Variants in EPHA4 observed in about 807,000 individuals in gnomAD.
EPHA4 encodes EPH receptor A4, also known as ephrin type-A receptor 4.
In EPHA4, 19 loss-of-function variants were observed where a neutral mutation model predicts 108.3. That is an observed-to-expected ratio of 0.18 (90% CI 0.12 to 0.26). The LOEUF (loss-of-function observed/expected upper bound fraction) is 0.26. Among genes scored for constraint, EPHA4 ranks in the 10% least tolerant of loss-of-function variants. EPHA4 has a pLI of 1.00. For missense variants in EPHA4, 917 were observed against 1,254.0 expected, an observed-to-expected ratio of 0.73 and a Z score of 4.06; for synonymous variants, 449 against 455.5, an observed-to-expected ratio of 0.99 and a Z score of 0.18.
chr2:221,470,609 A>C (rs1691452093), intron 5 of EPHA4, among the ~76,000 whole-genome samples: 1 of 44,762 alleles, frequency 2.2e-5, no homozygotes, highest in Non-Finnish European at 5.0e-5. Context: ...ACTTTAGGGA[A>C]CCTGCTTTTC....
At chr2:221,510,627 G>T (rs1052487311) in intron 3 of EPHA4, among the ~76,000 whole-genome samples, 1 of 152,186 alleles carries the variant, frequency 6.6e-6, no homozygotes, top group Non-Finnish European at 1.5e-5. Context: ...GATGAAGATG[G>T]TTTTCACAAA....
intron 3 of EPHA4, among the ~76,000 whole-genome samples, chr2:221,554,389 A>G (rs1694247979): frequency 6.6e-6 from 1 of 152,254 alleles, no homozygotes; most frequent in Admixed American, 6.5e-5. Context: ...GAACTTCAAA[A>G]ACATTTCATG....
At position 221,457,734 on chromosome 2, in the gene EPHA4, T is replaced by C. The variant is rs1691004475; in HGVS notation, c.1443+132A>G. 4.2e-6 allele frequency: 4 copies of C among 950,366 alleles called. No homozygotes were observed. The South Asian group carries it at 7.2e-5, about 17-fold the overall frequency. The allele number at this position is 950,366 out of a possible 1,614,324, so 58.9% of individuals were successfully genotyped here. On this transcript the variant is annotated intron_variant, in intron 6 of 17. Coordinates refer to ENST00000281821, the MANE Select transcript of EPHA4 (RefSeq NM_004438.5). ...ACAGAAGGGAGGGAGCAAAGGAGGA[T>C]GGGAAGGAGTCGAGGAAAGAAGGAA...
At chr2:221,427,525 C>T (rs62178651) in intron 15 of EPHA4, among the ~76,000 whole-genome samples, 27,435 of 152,032 alleles carry the variant, frequency 0.18, 3,630 homozygotes, top group African/African-American at 0.37. Flanking sequence ...AACCATAGAG[C>T]AGGCCTTCAT....
chr2:221,523,105 A>G (rs1175407836), intron 3 of EPHA4, among the ~76,000 whole-genome samples: 1 of 151,506 alleles, frequency 6.6e-6, no homozygotes, highest in East Asian at 2.0e-4. Context: ...AGCATTTGAA[A>G]ACCCCAGTAC....
intron 15 of EPHA4, 56 bp from the exon 16 acceptor site, chr2:221,426,675 A>C: frequency 1.3e-6 from 2 of 1,515,008 alleles, no homozygotes; most frequent in East Asian, 2.3e-5. Flanking sequence ...AGACAAGAAG[A>C]CTCAGAAATC....
chr2:221,458,039 A>C, intron 5 of EPHA4, 49 bp from the exon 6 acceptor site: 1 of 1,591,804 alleles, frequency 6.3e-7, no homozygotes. Flanking sequence ...AGGAAAATAA[A>C]TGGTTTTGGT....
chr2:221,446,110 C>A lies in EPHA4; in HGVS notation c.1774+13G>T. The A allele has an allele frequency of 6.6e-7, 1 of 1,523,026 alleles. No homozygotes were observed. The highest frequency in any genetic ancestry group is 8.8e-7 in the Non-Finnish European group (1 of 1,136,754). 94.3% of individuals were successfully genotyped at this position (1,523,026 alleles called of 1,614,324 possible). The stretch of plus-strand genomic sequence containing the variant: ...GCTCTAAAAATAGAATTTTTTAATC[C>A]AATTTTTTGTACCTTGATTCAAATG... On this transcript the variant is annotated intron_variant, in intron 9 of 17. Coordinates refer to ENST00000281821, the MANE Select transcript of EPHA4 (RefSeq NM_004438.5).
At chr2:221,435,228 T>TA (rs1301680412) in intron 13 of EPHA4, among the ~76,000 whole-genome samples, 1 of 152,198 alleles carries the variant, frequency 6.6e-6, no homozygotes, top group Non-Finnish European at 1.5e-5. Flanking sequence ...TCATCCTTGT[T>TA]ACGCACAGAA....
chr2:221,435,472 C>G (rs1003276828), intron 13 of EPHA4, among the ~76,000 whole-genome samples: 8 of 152,026 alleles, frequency 5.3e-5, no homozygotes, highest in African/African-American at 1.7e-4. Flanking sequence ...ACTATACCCC[C>G]CTGCCCCCCT....
In EPHA4 at chr2:221,434,135, G is replaced by A; in HGVS notation, c.2496+7C>T. 6.2e-7 allele frequency: 1 copy of A among 1,610,086 alleles called. No homozygotes were observed. On this transcript the variant is annotated splice_region_variant and intron_variant, in intron 14 of 17. Coordinates refer to ENST00000281821, the MANE Select transcript of EPHA4 (RefSeq NM_004438.5). ...GAAAAAATATATTTCAGAACATAGA[G>A]ACTTACATCTTGATTGGACATATCC...
At chr2:221,435,789 C>T (rs908019536) in intron 13 of EPHA4, among the ~76,000 whole-genome samples, 1 of 152,098 alleles carries the variant, frequency 6.6e-6, no homozygotes, top group Non-Finnish European at 1.5e-5. Flanking sequence ...TACTGGAAAA[C>T]CTTGCATGGT....
intron 16 of EPHA4, 31 bp downstream of exon 16, chr2:221,426,433 A>G: frequency 6.4e-7 from 1 of 1,570,014 alleles, no homozygotes. Flanking sequence ...ATCTAGATTT[A>G]CCCTTTCGTG....
At chr2:221,541,750 A>G (rs981972090) in intron 3 of EPHA4, among the ~76,000 whole-genome samples, 1 of 152,208 alleles carries the variant, frequency 6.6e-6, no homozygotes, top group Non-Finnish European at 1.5e-5. Context: ...GGGGAGCACC[A>G]CCACCCAAAC....
At chr2:221,557,620 C>T (rs1429311696) in intron 3 of EPHA4, among the ~76,000 whole-genome samples, 1 of 152,158 alleles carries the variant, frequency 6.6e-6, no homozygotes, top group Admixed American at 6.5e-5. Flanking sequence ...TTTGTGCTAA[C>T]TGTATGTTAA....
rs577603112 is a variant in EPHA4 at position 221,571,897 on chromosome 2, C to A, written c.91+261G>T. Among the ~76,000 whole-genome samples, 1 of 152,190 alleles carries A rather than the reference C, an allele frequency of 6.6e-6. No individual in the cohort carries two copies. The highest frequency in any genetic ancestry group is 2.4e-5 in the African/African-American group (1 of 41,444). On this transcript the variant is annotated intron_variant, in intron 1 of 17. Transcript: ENST00000281821. The surrounding 1 kb of genome is among the most constrained non-coding windows in gnomAD (Gnocchi z 6.3). ...GGGCGCCTCGAGCGGGCCTCTCTGG[C>A]GGATGCTGATAAACTTTGGCCTTTG...
At chr2:221,465,294 C>T (rs1037657496) in intron 5 of EPHA4, among the ~76,000 whole-genome samples, 20 of 152,172 alleles carry the variant, frequency 1.3e-4, no homozygotes, top group East Asian at 3.9e-4. Flanking sequence ...TAATAGAAGA[C>T]GAAAATTTTA....
chr2:221,469,813 G>A (rs1415426635), intron 5 of EPHA4, among the ~76,000 whole-genome samples: 1 of 152,124 alleles, frequency 6.6e-6, no homozygotes, highest in Admixed American at 6.6e-5. Flanking sequence ...AGACAGAAAG[G>A]TCCAGAATCC....
At chr2:221,499,401 T>C (rs1692402790) in intron 4 of EPHA4, among the ~76,000 whole-genome samples, 1 of 150,702 alleles carries the variant, frequency 6.6e-6, no homozygotes, top group African/African-American at 2.4e-5. Context: ...AGATTTCTTA[T>C]AAACCACGTA....
Sources: allele counts gnomAD v4.1 joint callset (sites outside exome capture counted in the v4.1 genomes callset), GRCh38; gene constraint gnomAD v4.1.1; non-coding constraint Gnocchi (gnomAD v3.1); transcripts MANE v1.5; gene names NCBI Gene and HGNC (gene_info 2026-07-23, HGNC 2026-07-21).